The following FNDC3A variants were observed in gnomAD, a reference collection of about 807,000 sequenced individuals.
FNDC3A encodes the protein fibronectin type-III domain-containing protein 3A.
In FNDC3A, 32 loss-of-function variants were observed where a neutral mutation model predicts 148.9. The ratio of observed to expected loss-of-function variants is 0.21; its 90% CI spans 0.16 to 0.29. The LOEUF is 0.29. FNDC3A is among the 10% of genes least tolerant of loss of function. The pLI, the probability that FNDC3A is intolerant of heterozygous loss-of-function variation, is 1.00. For synonymous variants in FNDC3A, 472 were observed against 473.6 expected (o/e 1.00, Z 0.04); for missense variants, 1,191 against 1,452.8 (o/e 0.82, Z 2.93).
chr13:49,013,957 A>G (rs915878210), intron 2 of FNDC3A, among the ~76,000 whole-genome samples: 4 of 150,744 alleles, frequency 2.7e-5, no homozygotes, highest in Admixed American at 6.6e-5. Context: ...ATAGTATTCC[A>G]TGGTGTATAT....
At chr13:49,085,709 T>C (rs1357353108) in intron 3 of FNDC3A, among the ~76,000 whole-genome samples, 2 of 152,134 alleles carry the variant, frequency 1.3e-5, no homozygotes, top group Non-Finnish European at 2.9e-5. Flanking sequence ...TGTGACAGAA[T>C]TAATGGTGTG....
At chr13:49,079,072 T>G (rs1471899639) in intron 3 of FNDC3A, among the ~76,000 whole-genome samples, 1 of 152,230 alleles carries the variant, frequency 6.6e-6, no homozygotes, top group Non-Finnish European at 1.5e-5. Context: ...AGGTTGAGAA[T>G]CACAGAGAAC....
chr13:49,136,153 A>T (rs936261065), intron 5 of FNDC3A, among the ~76,000 whole-genome samples, 179 bp from the exon 6 acceptor site: 2 of 152,170 alleles, frequency 1.3e-5, no homozygotes, highest in Non-Finnish European at 2.9e-5. Context: ...AATTAGAATA[A>T]ATCACAAAGC....
At chr13:49,138,344 G>T (rs563416598) in intron 6 of FNDC3A, among the ~76,000 whole-genome samples, 1 of 152,116 alleles carries the variant, frequency 6.6e-6, no homozygotes, top group East Asian at 1.9e-4. Context: ...TTTCTAATTT[G>T]GGAAACCATA....
At chr13:49,165,650 T>G (rs895084568) in intron 8 of FNDC3A, among the ~76,000 whole-genome samples, 2 of 152,170 alleles carry the variant, frequency 1.3e-5, no homozygotes, top group African/African-American at 2.4e-5. Context: ...TTCTTGGGCC[T>G]CTAGGCAGCT....
chr13:49,197,899 C>G (rs376717573), intron 21 of FNDC3A, 25 bp downstream of exon 21: 66 of 1,591,370 alleles, frequency 4.1e-5, no homozygotes, highest in Non-Finnish European at 5.5e-5. Context: ...TACCTTGTCA[C>G]TTAACTCTAT....
At position 49,091,451 on chromosome 13, in the gene FNDC3A, T is replaced by C. The variant is rs116487210; in HGVS notation, c.175+16087T>C. On this transcript the variant is annotated intron_variant, in intron 3 of 25. Transcript: ENST00000492622. ...AGTCCCTGACCATCCAGCTAAACCA[T>C]TGGGTACAGCCCATGAATCTGTATG... Among the ~76,000 whole-genome samples the C allele has an allele frequency of 3.5e-3, 532 of 152,234 alleles. 1 individual carries two copies. Among genetic ancestry groups the C allele is most frequent in the African/African-American group, 0.012 (500 of 41,536 alleles).
chr13:49,125,344 A>G (rs1044716478), intron 4 of FNDC3A, among the ~76,000 whole-genome samples: 1 of 152,184 alleles, frequency 6.6e-6, no homozygotes, highest in Admixed American at 6.5e-5. Context: ...ACTGGAGAGA[A>G]AGGAGATTGT....
chr13:49,045,788 T>G, intron 2 of FNDC3A: 3 of 343,662 alleles, frequency 8.7e-6, no homozygotes, highest in Non-Finnish European at 9.9e-6. Context: ...TTAATGACAG[T>G]CCTTTTTTTT....
In FNDC3A at chr13:49,185,960, A is replaced by C; in HGVS notation, c.1618-4A>C. 1 of 1,607,396 alleles carries C rather than the reference A, an allele frequency of 6.2e-7. No individual in the cohort carries two copies. Among genetic ancestry groups the C allele is most frequent in the Non-Finnish European group, 8.5e-7 (1 of 1,175,034 alleles). On this transcript the variant is annotated splice_polypyrimidine_tract_variant and splice_region_variant and intron_variant, in intron 14 of 25. Coordinates refer to ENST00000492622, the MANE Select transcript of FNDC3A (RefSeq NM_001079673.2). ...TATTTAATGTCTTTCTGTTCTCATC[A>C]CAGGTTATTGCTTACAACTCAGAAG...
At chr13:49,175,759 G>C (rs1884996744) in intron 13 of FNDC3A, among the ~76,000 whole-genome samples, 1 of 152,078 alleles carries the variant, frequency 6.6e-6, no homozygotes, top group South Asian at 2.1e-4. Context: ...AGGAGACGAG[G>C]GCATCCTTAT....
intron 1 of FNDC3A, among the ~76,000 whole-genome samples, chr13:48,991,713 AAG>A (rs371777021): frequency 2.4e-4 from 37 of 152,036 alleles, no homozygotes; most frequent in Non-Finnish European, 2.9e-4. Flanking sequence ...GGAAAAAAAA[AAG>A]AGAGAGAATG....
chr13:49,068,987 A>G (rs147150951), intron 2 of FNDC3A, among the ~76,000 whole-genome samples: 99 of 152,302 alleles, frequency 6.5e-4, no homozygotes, highest in African/African-American at 2.0e-3. Context: ...AAAATAATAC[A>G]TACAACAAAC....
chr13:49,197,133 C>A (rs1383381672), intron 20 of FNDC3A, 143 bp downstream of exon 20: 2 of 475,044 alleles, frequency 4.2e-6, no homozygotes, highest in Non-Finnish European at 7.4e-6. Flanking sequence ...ACAGTGACTT[C>A]TTTTTCCTCT....
chr13:49,026,119 G>A (rs754459726), intron 2 of FNDC3A, among the ~76,000 whole-genome samples: 2 of 152,148 alleles, frequency 1.3e-5, no homozygotes, highest in Non-Finnish European at 2.9e-5. Flanking sequence ...CTATACTATG[G>A]ATAAATCTCA....
At chr13:49,065,906 C>T (rs180975690) in intron 2 of FNDC3A, among the ~76,000 whole-genome samples, 2 of 152,100 alleles carry the variant, frequency 1.3e-5, no homozygotes, top group African/African-American at 4.8e-5. Flanking sequence ...GAGTACAAGG[C>T]CAAGCAGCTT....
intron 5 of FNDC3A, 125 bp from the exon 6 acceptor site, chr13:49,136,207 G>A (rs976431073): frequency 5.8e-5 from 47 of 809,958 alleles, no homozygotes; most frequent in Non-Finnish European, 8.2e-5. Flanking sequence ...GCTTTGTTAT[G>A]CAAAATTCTT....
intron 1 of FNDC3A, among the ~76,000 whole-genome samples, chr13:48,996,558 G>A (rs147151776): frequency 2.6e-5 from 4 of 152,256 alleles, no homozygotes; most frequent in Admixed American, 6.5e-5. Context: ...AAGTATACAG[G>A]AGAATGTGCA....
At chr13:49,044,955 G>C in intron 2 of FNDC3A, 1 of 303,572 alleles carries the variant, frequency 3.3e-6, no homozygotes, top group Non-Finnish European at 6.4e-6. Context: ...TGAGTAAAGA[G>C]CATGTATTCT....
Sources: gnomAD v4.1 joint callset for allele counts (sites outside exome capture counted in the v4.1 genomes callset) on GRCh38, gnomAD v4.1.1 for gene constraint, MANE v1.5 for transcripts, NCBI Gene and HGNC (gene_info 2026-07-23, HGNC 2026-07-21) for gene names.